MYLIP: variants seen among roughly 807,000 people sequenced by gnomAD.
The protein encoded by MYLIP is E3 ubiquitin-protein ligase MYLIP.
A neutral mutation model predicts 45.8 loss-of-function variants in MYLIP; 26 were observed. The ratio of observed to expected loss-of-function variants is 0.57; its 90% CI spans 0.42 to 0.79. The LOEUF (loss-of-function observed/expected upper bound fraction) is 0.79, where lower values mean the gene tolerates loss of function less well. Among genes scored for constraint, MYLIP ranks in the 30% least tolerant of loss-of-function variants. The pLI, the probability that MYLIP is intolerant of heterozygous loss-of-function variation, is 0.00. For missense variants in MYLIP, 494 were observed against 555.6 expected (o/e 0.89, Z 1.11); for synonymous variants, 213 against 218.1 (o/e 0.98, Z 0.21).
At chr6:16,133,155 G>T (rs1759490152) in intron 2 of MYLIP, among the ~76,000 whole-genome samples, 1 of 152,160 alleles carries the variant, frequency 6.6e-6, no homozygotes, top group South Asian at 2.1e-4. Context: ...GCCCTGTATT[G>T]TAGTTTCAGC....
At chr6:16,162,322 G>C in the MYLIP span, among the ~76,000 whole-genome samples, 2 of 152,324 alleles carry the variant, frequency 1.3e-5, no homozygotes, top group Admixed American at 6.5e-5. Flanking sequence ...AATTCATCAT[G>C]ATGATAGATT....
the MYLIP span, among the ~76,000 whole-genome samples, chr6:16,162,359 G>T: frequency 1.3e-5 from 2 of 152,152 alleles, no homozygotes; most frequent in Non-Finnish European, 2.9e-5. Flanking sequence ...TGAAGCATTA[G>T]AAGGGCCATT....
chr6:16,154,175 G>A, the MYLIP span, among the ~76,000 whole-genome samples: 1 of 152,008 alleles, frequency 6.6e-6, no homozygotes, highest in East Asian at 1.9e-4. Context: ...AGGAGATGGA[G>A]GAGTCTTGCT....
intron 6 of MYLIP, 76 bp from the exon 7 acceptor site, chr6:16,146,586 C>A: frequency 9.0e-7 from 1 of 1,108,614 alleles, no homozygotes; most frequent in Non-Finnish European, 1.3e-6. Flanking sequence ...CACTAGAGAC[C>A]AGGGGTGTGC....
At chr6:16,136,473 C>T (rs948324168) in intron 2 of MYLIP, among the ~76,000 whole-genome samples, 2 of 152,008 alleles carry the variant, frequency 1.3e-5, no homozygotes, top group East Asian at 1.9e-4. Flanking sequence ...TTTGTTTATC[C>T]GTACTCCTAA....
the MYLIP span, among the ~76,000 whole-genome samples, chr6:16,162,233 C>A: frequency 6.6e-6 from 1 of 152,144 alleles, no homozygotes; most frequent in Non-Finnish European, 1.5e-5. Flanking sequence ...TGGGAAAATG[C>A]TATATTAATA....
chr6:16,144,191 T>C (rs1367163568), intron 5 of MYLIP, among the ~76,000 whole-genome samples: 1 of 152,130 alleles, frequency 6.6e-6, no homozygotes, highest in Non-Finnish European at 1.5e-5. Flanking sequence ...GGGGTTATTA[T>C]TACCCTAATG....
At position 16,144,982 on chromosome 6, in the gene MYLIP, A is replaced by G. The variant is rs1381978757; in HGVS notation, c.913A>G (p.Ile305Val). ...GGCATCTCTGTTTCTGAATGAAAAC[A>G]TTAACCTTGGCAAGAAATATGTCTT... Reference protein sequence around the residue: ...HLASLFLNENINLGKKYVFDI... With the variant: ...HLASLFLNENVNLGKKYVFDI... The change falls in exon 6 of 7, where the codon ATT becomes GTT. Residue 305 changes from isoleucine (I) to valine (V), a missense_variant. By Grantham distance (29) the Ile-to-Val change is conservative. Transcript: ENST00000356840. The G allele has an allele frequency of 3.7e-6, 6 of 1,614,136 alleles. No homozygotes were observed. Among genetic ancestry groups the G allele is most frequent in the Non-Finnish European group, 5.1e-6 (6 of 1,180,050 alleles).
In MYLIP at chr6:16,143,791, T is replaced by C. The variant is rs748472377; in HGVS notation, c.755T>C (p.Leu252Ser). Residue 252 changes from leucine (L) to serine (S), a missense_variant, in exon 5 of 7, where the codon TTG (leucine) becomes TCG (serine). Physicochemically the swap from Leu to Ser is moderately radical, Grantham distance 145 (BLOSUM62 -2). Transcript: ENST00000356840. ...GAATCTGGGAACAGCATCGTGCTCT[T>C]GTTTAAAATGATCAGCACCAGGGCG... is the stretch of plus-strand genomic sequence containing the variant. ...TKESGNSIVL[L>S]FKMISTRAAS... 6.2e-7 allele frequency: 1 copy of C among 1,613,902 alleles called. No homozygotes were observed. Among genetic ancestry groups the C allele is most frequent in the Non-Finnish European group, 8.5e-7 (1 of 1,179,986 alleles).
Position 16,129,411 on chromosome 6 carries a change from T to C in MYLIP, c.87+2T>C, listed in dbSNP as rs752327773. On this transcript the variant is annotated splice_donor_variant, in intron 1 of 6. Transcript: ENST00000356840. LOFTEE classifies it high-confidence loss of function. The surrounding 1 kb of genome is among the most constrained non-coding windows in gnomAD (Gnocchi z 5.1). ...AACGGCGAGGACTGCCTCAACCAGG[T>C]GAGGGCGAGGGGCAAGAAGGGGCCC... 1.3e-5 allele frequency: 21 copies of C among 1,581,740 alleles called. No individual in the cohort carries two copies. The highest frequency in any genetic ancestry group is 1.7e-5 in the Non-Finnish European group (20 of 1,164,494).
At position 16,135,748 on chromosome 6, in the gene MYLIP, CATATATCTATATATAT is replaced by C. The variant is rs1461427642; in HGVS notation, c.278+5008_278+5023del. Among the ~76,000 whole-genome samples the C allele has an allele frequency of 2.1e-3, 233 of 113,160 alleles. 1 individual carries two copies. The highest frequency in any genetic ancestry group is 6.5e-3 in the African/African-American group (208 of 31,988). 74.2% of individuals were successfully genotyped at this position (113,160 alleles called of 152,430 possible). ...TACACACATTATATGTGTGTGTATA[CATATATCTATATATAT>C]ATATATATATATATGTATGCTATAT... is the stretch of plus-strand genomic sequence containing the variant. On this transcript the variant is annotated intron_variant, in intron 2 of 6. Transcript: ENST00000356840.
chr6:16,146,122 C>T (rs529642562), intron 6 of MYLIP, among the ~76,000 whole-genome samples: 5 of 152,316 alleles, frequency 3.3e-5, no homozygotes, highest in African/African-American at 1.2e-4. Flanking sequence ...TATTCTGACT[C>T]TCATCCCTAA....
rs188714131 is a variant in MYLIP, at chr6:16,135,811, C to T, written c.278+5064C>T. 5.0e-3 allele frequency among the ~76,000 whole-genome samples: 688 copies of T among 138,614 alleles called. 5 individuals carry two copies. Among genetic ancestry groups the T allele is most frequent in the Middle Eastern group, 7.9e-3 (2 of 252 alleles). The allele number at this position is 138,614 out of a possible 152,430, so 90.9% of individuals were successfully genotyped here. On this transcript the variant is annotated intron_variant, in intron 2 of 6. Transcript: ENST00000356840. ...ATATATTCTATATAGTGTATATATACAGTATATATTCTATATAGTGTACAT... is the reference window on the plus strand; with the variant it reads ...ATATATTCTATATAGTGTATATATATAGTATATATTCTATATAGTGTACAT...
chr6:16,129,263 G>A lies in MYLIP; in HGVS notation c.-60G>A, dbSNP rs930235526. ...CGGGGCTGGGTCCCACCAGTGACAA[G>A]GCGGCAGCCCCGCGCACACCAAAGA... On this transcript the variant is annotated 5_prime_UTR_variant, in exon 1 of 7. Coordinates refer to ENST00000356840, the MANE Select transcript of MYLIP (RefSeq NM_013262.4). This position sits in a 1 kb window ranked among gnomAD's most constrained non-coding sequence, Gnocchi z 5.1. 3 of 1,522,948 alleles carry A rather than the reference G, an allele frequency of 2.0e-6. No homozygotes were observed. The highest frequency in any genetic ancestry group is 1.2e-5 in the South Asian group (1 of 83,444). 94.3% of individuals were successfully genotyped at this position (1,522,948 alleles called of 1,614,324 possible). A position where few individuals can be genotyped will look rare whatever the true frequency, so the allele number is the denominator to read the frequency against.
chr6:16,132,398 C>A (rs769320559), intron 2 of MYLIP, among the ~76,000 whole-genome samples: 1 of 152,230 alleles, frequency 6.6e-6, no homozygotes, highest in Middle Eastern at 3.4e-3. Flanking sequence ...CTGTCTTGGT[C>A]TCTCCTTTAT....
chr6:16,129,532 G>A lies in MYLIP; in HGVS notation c.87+123G>A. On this transcript the variant is annotated intron_variant, in intron 1 of 6. Transcript: ENST00000356840. This position sits in a 1 kb window ranked among gnomAD's most constrained non-coding sequence, Gnocchi z 5.1. Reference sequence around the variant, plus strand: ...CGGGAGGCACTGCGGCGGCAGCCGGGGGGAGCGCGTCCCCTCCTCTCCACG... The same window carrying A: ...CGGGAGGCACTGCGGCGGCAGCCGGAGGGAGCGCGTCCCCTCCTCTCCACG... 2 of 932,674 alleles carry A rather than the reference G, an allele frequency of 2.1e-6. No homozygotes were observed. The highest frequency in any genetic ancestry group is 1.7e-5 in the South Asian group (1 of 58,902). 57.8% of individuals were successfully genotyped at this position (932,674 alleles called of 1,614,324 possible).
chr6:16,138,461 T>C (rs577912528), intron 2 of MYLIP, among the ~76,000 whole-genome samples: 1 of 152,204 alleles, frequency 6.6e-6, no homozygotes, highest in African/African-American at 2.4e-5. Flanking sequence ...GTTGGAAACA[T>C]GTCTCTGAGC....
the MYLIP span, among the ~76,000 whole-genome samples, chr6:16,156,154 C>T: frequency 9.1e-4 from 139 of 152,278 alleles, 1 homozygote; most frequent in African/African-American, 3.1e-3. Context: ...GACAGCTGAG[C>T]CTGGGGTTTT....
At chr6:16,152,462 G>A (rs1247862507), downstream of MYLIP, among the ~76,000 whole-genome samples, 1 of 152,180 alleles carries the variant, frequency 6.6e-6, no homozygotes, top group East Asian at 1.9e-4. Context: ...GTGACTACTG[G>A]CATTTAGTGG....
Sources: gnomAD v4.1 joint callset for allele counts (sites outside exome capture counted in the v4.1 genomes callset) on GRCh38, gnomAD v4.1.1 for gene constraint, Gnocchi (gnomAD v3.1) non-coding constraint, MANE v1.5 for transcripts, NCBI Gene and HGNC (gene_info 2026-07-23, HGNC 2026-07-21) for gene names.